Variants in ZNF490 observed in about 807,000 individuals in gnomAD.
ZNF490 encodes the protein zinc finger protein 490.
In ZNF490, 11 loss-of-function variants were observed where a neutral mutation model predicts 17.7. The observed-to-expected ratio is 0.62, with a 90% CI of 0.39 to 1.03. The LOEUF (loss-of-function observed/expected upper bound fraction) is 1.03. Among genes scored for constraint, ZNF490 ranks in the 50% least tolerant of loss-of-function variants. ZNF490 has a pLI of 0.00. For missense variants in ZNF490, 542 were observed against 643.4 expected (o/e 0.84, Z 1.71); for synonymous variants, 222 against 216.1 (o/e 1.03, Z -0.24).
rs2022732759 is a variant in ZNF490, at chr19:12,581,425, G to C, written c.650C>G (p.Thr217Ser). Residue 217 changes from threonine to serine, a missense_variant, in exon 5 of 5, where the codon ACT becomes AGT. By Grantham distance (58) the Thr-to-Ser change is moderately conservative. Transcript: ENST00000311437. The part of the protein sequence containing the change: ...SSIRTHERIH[T>S]GEKPYECKEC... ...CTTACATTCATAGGGTTTCTCTCCAGTGTGAATTCTTTCATGGGTTCGAAT... is the reference window on the plus strand; with the variant it reads ...CTTACATTCATAGGGTTTCTCTCCACTGTGAATTCTTTCATGGGTTCGAAT... 6.2e-7 allele frequency: 1 copy of C among 1,614,114 alleles called. No individual in the cohort carries two copies. Among genetic ancestry groups the C allele is most frequent in the African/African-American group, 1.3e-5 (1 of 74,944 alleles).
At chr19:12,606,249 G>A (rs577456269) in intron 2 of ZNF490, among the ~76,000 whole-genome samples, 1 of 151,242 alleles carries the variant, frequency 6.6e-6, no homozygotes, top group South Asian at 2.1e-4. Context: ...CTGGAGTGCA[G>A]TGGCACAATC....
At chr19:12,596,384 G>A (rs567844991) in intron 2 of ZNF490, among the ~76,000 whole-genome samples, 2 of 152,064 alleles carry the variant, frequency 1.3e-5, no homozygotes, top group Admixed American at 6.6e-5. Flanking sequence ...ACAATCGAAA[G>A]GTAAATACAT....
At position 12,581,571 on chromosome 19, in the gene ZNF490, C is replaced by G; in HGVS notation, c.504G>C (p.Gln168His). The change falls in exon 5 of 5, where the codon CAG becomes CAC. Residue 168 changes from glutamine (Q) to histidine (H), a missense_variant. Transcript: ENST00000311437. ...ATCTCATGTGCCTATTAAGGGAGAC[C>G]TGATGCATGAAGACTTCCCCACACA... ...CSVCGEVFMHQVSLNRHMRSH... is the reference protein window; with the variant it reads ...CSVCGEVFMHHVSLNRHMRSH... The G allele has an allele frequency of 6.2e-7, 1 of 1,613,968 alleles. No individual in the cohort carries two copies. Among genetic ancestry groups the G allele is most frequent in the Non-Finnish European group, 8.5e-7 (1 of 1,179,982 alleles).
At position 12,580,943 on chromosome 19, in the gene ZNF490, C is replaced by T. The variant is rs2145138711; in HGVS notation, c.1132G>A (p.Glu378Lys). Reference protein sequence around the residue: ...GEAFKSSSSCEVHERTHFGEK... With the variant: ...GEAFKSSSSCKVHERTHFGEK... ...CCAAAATGAGTTCTTTCGTGCACTT[C>T]ACAGGAACTAGATGACTTGAAGGCT... Residue 378 changes from glutamate to lysine, a missense_variant, in exon 5 of 5, where the codon GAA (glutamate) becomes AAA (lysine). Coordinates refer to ENST00000311437, the MANE Select transcript of ZNF490 (RefSeq NM_020714.3). 4 of 1,614,076 alleles carry T rather than the reference C, an allele frequency of 2.5e-6. No homozygotes were observed. Among genetic ancestry groups the T allele is most frequent in the Non-Finnish European group, 3.4e-6 (4 of 1,179,998 alleles).
chr19:12,597,674 A>T (rs929653024), intron 2 of ZNF490, among the ~76,000 whole-genome samples: 29 of 152,306 alleles, frequency 1.9e-4, no homozygotes, highest in Non-Finnish European at 2.9e-5. Flanking sequence ...CACTGTGGGT[A>T]CCTCATATAG....
intron 2 of ZNF490, among the ~76,000 whole-genome samples, chr19:12,599,238 A>G (rs1372577735): frequency 6.6e-6 from 1 of 151,846 alleles, no homozygotes; most frequent in Non-Finnish European, 1.5e-5. Flanking sequence ...TAAAAAAAGC[A>G]TAAAGAAAAG....
chr19:12,603,441 T>C (rs1239474212), intron 2 of ZNF490, among the ~76,000 whole-genome samples: 2 of 152,000 alleles, frequency 1.3e-5, no homozygotes, highest in Non-Finnish European at 2.9e-5. Context: ...TGAGCTGTGA[T>C]GACACCACTG....
intron 2 of ZNF490, among the ~76,000 whole-genome samples, chr19:12,602,127 C>CACACACACACACACACACACACAT (rs35798638): frequency 7.0e-6 from 1 of 141,898 alleles, no homozygotes; most frequent in Non-Finnish European, 1.5e-5. Flanking sequence ...CACACACACA[C>CACACACACACACACACACACACAT]ATATATGGGC....
In ZNF490 at chr19:12,577,984, T is replaced by G. The variant is rs2022669205; in HGVS notation, c.*2501A>C. 1 of 985,088 alleles carries G rather than the reference T, an allele frequency of 1.0e-6. No individual in the cohort carries two copies. The highest frequency in any genetic ancestry group is 1.7e-5 in the African/African-American group (1 of 57,150). The allele number at this position is 985,088 out of a possible 1,614,324, so 61.0% of individuals were successfully genotyped here. On this transcript the variant is annotated 3_prime_UTR_variant, in exon 5 of 5. Coordinates refer to ENST00000311437, the MANE Select transcript of ZNF490 (RefSeq NM_020714.3). ...GCTCCAGCAAGCAGTTTATTGGGAG[T>G]TGAGTTCACCTTGCCTTGTGATGTG...
chr19:12,601,866 C>T (rs1467084049), intron 2 of ZNF490, among the ~76,000 whole-genome samples: 3 of 151,602 alleles, frequency 2.0e-5, no homozygotes, highest in East Asian at 1.9e-4. Flanking sequence ...TGGTGGCAGG[C>T]TCCTGTAGTC....
intron 2 of ZNF490, among the ~76,000 whole-genome samples, chr19:12,592,204 C>A (rs940533105): frequency 2.0e-5 from 3 of 152,152 alleles, no homozygotes; most frequent in African/African-American, 7.2e-5. Flanking sequence ...AGTGTGGTGG[C>A]GCTTGCCTAT....
In ZNF490 at chr19:12,607,950, T is replaced by C. The variant is rs143993038; in HGVS notation, c.162+1208A>G. 2.4e-3 allele frequency among the ~76,000 whole-genome samples: 358 copies of C among 152,274 alleles called. 2 individuals are homozygous for C. The highest frequency in any genetic ancestry group is 7.7e-3 in the African/African-American group (321 of 41,554). ...CAAGTTCCTGGCCAGAAAAGCCACATTGAAGCTCCCATGAGCCAAGGAACC... is the reference window on the plus strand; with the variant it reads ...CAAGTTCCTGGCCAGAAAAGCCACACTGAAGCTCCCATGAGCCAAGGAACC... On this transcript the variant is annotated intron_variant, in intron 2 of 4. Coordinates refer to ENST00000311437, the MANE Select transcript of ZNF490 (RefSeq NM_020714.3).
At position 12,577,584 on chromosome 19, in the gene ZNF490, C is replaced by T. The variant is rs923813020; in HGVS notation, c.*2901G>A. 1.7e-5 allele frequency: 17 copies of T among 985,446 alleles called. No homozygotes were observed. Among genetic ancestry groups the T allele is most frequent in the African/African-American group, 8.7e-5 (5 of 57,338 alleles). The allele number at this position is 985,446 out of a possible 1,614,324, so 61.0% of individuals were successfully genotyped here. On this transcript the variant is annotated 3_prime_UTR_variant, in exon 5 of 5. Transcript: ENST00000311437. Reference sequence around the variant, plus strand: ...GCATCTCCTGGCTCAGCCACCAGGTCCTCCACTGCATCTCCACAGTAGCCG... The same window carrying T: ...GCATCTCCTGGCTCAGCCACCAGGTTCTCCACTGCATCTCCACAGTAGCCG...
chr19:12,596,041 G>A (rs1272417630), intron 2 of ZNF490, among the ~76,000 whole-genome samples: 1 of 152,142 alleles, frequency 6.6e-6, no homozygotes, highest in Non-Finnish European at 1.5e-5. Flanking sequence ...GAGGCAGGCA[G>A]ATCACTTGAG....
chr19:12,604,295 C>T (rs1395035166), intron 2 of ZNF490, among the ~76,000 whole-genome samples: 1 of 151,468 alleles, frequency 6.6e-6, no homozygotes, highest in African/African-American at 2.4e-5. Flanking sequence ...GCAGGTGGAT[C>T]ACTTGAGGTC....
intron 2 of ZNF490, among the ~76,000 whole-genome samples, chr19:12,593,206 G>T (rs927776919): frequency 6.6e-6 from 1 of 151,800 alleles, no homozygotes; most frequent in African/African-American, 2.4e-5. Context: ...GACTTATATG[G>T]CTAGCCGTGA....
intron 2 of ZNF490, 43 bp from the exon 3 acceptor site, chr19:12,583,599 C>A: frequency 1.3e-6 from 2 of 1,520,074 alleles, no homozygotes; most frequent in Admixed American, 1.9e-5. Context: ...GAGAGAGATT[C>A]GCAGTAGTGA....
chr19:12,597,644 C>CT (rs1435964526), intron 2 of ZNF490, among the ~76,000 whole-genome samples: 4 of 152,182 alleles, frequency 2.6e-5, no homozygotes, highest in Admixed American at 6.5e-5. Flanking sequence ...TACTATTCGA[C>CT]TTTTTGATTG....
chr19:12,587,899 C>T lies in ZNF490; in HGVS notation c.163-4343G>A, dbSNP rs2022820488. 2.3e-5 allele frequency among the ~76,000 whole-genome samples: 2 copies of T among 87,756 alleles called. 1 individual carries two copies. The highest frequency in any genetic ancestry group is 2.1e-4 in the Admixed American group (2 of 9,338). The allele number at this position is 87,756 out of a possible 152,430, so 57.6% of individuals were successfully genotyped here. On this transcript the variant is annotated intron_variant, in intron 2 of 4. Transcript: ENST00000311437. ...TGTTTGTTTGTTTGAGTCGAAGTTT[C>T]GCTCTTGTTGCCCAGGCTGGAGTGC...
Sources: allele counts gnomAD v4.1 joint callset (sites outside exome capture counted in the v4.1 genomes callset), GRCh38; gene constraint gnomAD v4.1.1; transcripts MANE v1.5; gene names NCBI Gene and HGNC (gene_info 2026-07-23, HGNC 2026-07-21).